HEATR5B: variants seen among roughly 807,000 people sequenced by gnomAD.
HEATR5B encodes HEAT repeat-containing protein 5B.
HEATR5B carries 156 observed loss-of-function variants against 224.1 expected under a neutral mutation model. The ratio of observed to expected loss-of-function variants is 0.70; its 90% CI spans 0.61 to 0.80. HEATR5B has a LOEUF of 0.80. HEATR5B is among the 30% of genes least tolerant of loss of function. The pLI, the probability that HEATR5B is intolerant of heterozygous loss-of-function variation, is 0.00. For synonymous variants in HEATR5B, 1,027 were observed against 893.0 expected, an observed-to-expected ratio of 1.15 and a Z score of -2.68; for missense variants, 2,323 against 2,535.5, an observed-to-expected ratio of 0.92 and a Z score of 1.80.
At chr2:37,006,987 AAAATG>A in intron 29 of HEATR5B, 58 bp downstream of exon 29, 1 of 1,516,982 alleles carries the variant, frequency 6.6e-7, no homozygotes, top group Non-Finnish European at 9.1e-7. Flanking sequence ...CCATAGCTTT[AAAATG>A]AAAGATATGA....
chr2:37,020,006 C>G, intron 25 of HEATR5B, 129 bp from the exon 26 acceptor site: 2 of 587,576 alleles, frequency 3.4e-6, no homozygotes, highest in South Asian at 2.0e-5. Flanking sequence ...TAGGCTCAAG[C>G]GATTCTCCTC....
At chr2:37,051,767 T>C (rs1670566212) in intron 17 of HEATR5B, among the ~76,000 whole-genome samples, 1 of 151,980 alleles carries the variant, frequency 6.6e-6, no homozygotes, top group Non-Finnish European at 1.5e-5. Context: ...TGAGACAGAG[T>C]CTTGCTCTGT....
intron 35 of HEATR5B, 40 bp downstream of exon 35, chr2:36,988,606 T>TAA: frequency 6.6e-7 from 1 of 1,507,854 alleles, no homozygotes; most frequent in Non-Finnish European, 9.2e-7. Context: ...AATACAGATC[T>TAA]TCATTCTGAA....
intron 26 of HEATR5B, among the ~76,000 whole-genome samples, chr2:37,019,489 C>G (rs1286605451): frequency 8.7e-5 from 13 of 150,074 alleles, no homozygotes; most frequent in Admixed American, 2.7e-4. Context: ...CAGGGTCTCG[C>G]TCCGTTGCCC....
In HEATR5B at chr2:37,067,506, T is replaced by C. The variant is rs1204148192; in HGVS notation, c.1177+1175A>G. On this transcript the variant is annotated intron_variant, in intron 8 of 35. Coordinates refer to ENST00000233099, the MANE Select transcript of HEATR5B (RefSeq NM_019024.3). ...TTTACTGGCTGGGCGTGGTGGCTCA[T>C]ACCTGTAATCCCAGCACTCTGGGAG... Among the ~76,000 whole-genome samples the C allele has an allele frequency of 2.6e-5, 4 of 152,298 alleles. No individual in the cohort carries two copies. In the East Asian group the frequency reaches 7.7e-4, roughly 29 times the overall value.
At chr2:37,064,283 T>G (rs1027932793) in intron 10 of HEATR5B, among the ~76,000 whole-genome samples, 1 of 147,862 alleles carries the variant, frequency 6.8e-6, no homozygotes, top group African/African-American at 2.5e-5. Context: ...GGTTGGGTTT[T>G]TTTTTTTTTT....
In HEATR5B at chr2:36,990,773, C is replaced by T. The variant is rs1315681885; in HGVS notation, c.5572G>A (p.Val1858Ile). The T allele has an allele frequency of 3.1e-6, 5 of 1,609,084 alleles. No homozygotes were observed. Among genetic ancestry groups the T allele is most frequent in the Non-Finnish European group, 4.2e-6 (5 of 1,177,374 alleles). ...AGTGCAATTGCTGTTAGCATGCTTACTTCATCAGGTGTAGGTACAGAGTCT... is the reference window on the plus strand; with the variant it reads ...AGTGCAATTGCTGTTAGCATGCTTATTTCATCAGGTGTAGGTACAGAGTCT... ...PEDSVPTPDE[V>I]SMLTAIALFL... The change falls in exon 34 of 36, where the codon GTA (valine) becomes ATA (isoleucine). Residue 1858 changes from valine (V) to isoleucine (I), a missense_variant. By Grantham distance (29) the Val-to-Ile change is conservative (BLOSUM62 3). Transcript: ENST00000233099.
At chr2:37,050,702 A>G (rs1024135606) in intron 17 of HEATR5B, among the ~76,000 whole-genome samples, 3 of 152,250 alleles carry the variant, frequency 2.0e-5, no homozygotes, top group African/African-American at 7.2e-5. Context: ...AAAATTTCAC[A>G]GAAGACAATT....
intron 9 of HEATR5B, 27 bp downstream of exon 9, chr2:37,065,728 A>C: frequency 6.3e-7 from 1 of 1,590,228 alleles, no homozygotes. Flanking sequence ...GTGGAAACAC[A>C]TACTAGCAAG....
Position 37,000,642 on chromosome 2 carries a change from T to C in HEATR5B, c.5489A>G (p.Gln1830Arg), listed in dbSNP as rs1212197808. Residue 1830 changes from glutamine to arginine, a missense_variant, in exon 33 of 36, where the codon CAG becomes CGG. Physicochemically the swap from Gln to Arg is conservative, Grantham distance 43 (BLOSUM62 1). Transcript: ENST00000233099. ...CGTGCTACGAATCAGAGCTGTCCAC[T>C]GTTTTTGAACGCCAGCCTCAGTTTT... The part of the protein sequence containing the change: ...MAKTEAGVQK[Q>R]WTALIRSTLA... The C allele has an allele frequency of 6.2e-7, 1 of 1,614,216 alleles. No individual in the cohort carries two copies.
Position 37,028,144 on chromosome 2 carries a change from C to A in HEATR5B, c.3632G>T (p.Gly1211Val). The change falls in exon 24 of 36, where the codon GGA (glycine) becomes GTA (valine). Residue 1211 changes from glycine to valine, a missense_variant. Coordinates refer to ENST00000233099, the MANE Select transcript of HEATR5B (RefSeq NM_019024.3). ...TTTCTTTTCAGCTTCTTCATCTTTT[C>A]CACTACTTAAGAGAGTTGCAGTACT... The part of the protein sequence containing the change: ...DMSTATLLSS[G>V]KDEEAEKKDE... The A allele has an allele frequency of 6.2e-7, 1 of 1,608,202 alleles. No homozygotes were observed.
chr2:37,060,498 TATAAA>T, intron 12 of HEATR5B, 78 bp downstream of exon 12: 1 of 1,210,370 alleles, frequency 8.3e-7, no homozygotes, highest in South Asian at 1.9e-5. Context: ...AATAAAAAAC[TATAAA>T]ATAGTGATTT....
rs766230413 is a variant in HEATR5B, at chr2:36,988,777, A to G, written c.5780T>C (p.Leu1927Ser). The G allele has an allele frequency of 1.2e-6, 2 of 1,614,094 alleles. No homozygotes were observed. The highest frequency in any genetic ancestry group is 4.5e-5 in the East Asian group (2 of 44,868). ...TAGCTTTTCAACCACTATTGGAGCT[A>G]ATGAATGAATATAAGGAGTTGAAAG... is the stretch of plus-strand genomic sequence containing the variant. ...RALSTPYIHS[L>S]APIVVEKLKA... The change falls in exon 35 of 36, where the codon TTA (leucine) becomes TCA (serine). Residue 1927 changes from leucine to serine, a missense_variant. This residue lies in a region of HEATR5B where 844 missense variants were observed against 812.9 expected (regional missense o/e 1.04). Coordinates refer to ENST00000233099, the MANE Select transcript of HEATR5B (RefSeq NM_019024.3).
chr2:37,068,741 C>T lies in HEATR5B; in HGVS notation c.1117G>A (p.Ala373Thr), dbSNP rs1156971765. ...ATVGSLLGEK[A>T]QIAAAKEICQ... ...ATTTCTTTGGCAGCTGCAATCTGGG[C>T]TTTTTCACCTAGCAAACTGCCCACA... Residue 373 changes from alanine to threonine, a missense_variant, in exon 8 of 36, where the codon GCC becomes ACC. Physicochemically the swap from Ala to Thr is moderately conservative, Grantham distance 58 (BLOSUM62 0). Coordinates refer to ENST00000233099, the MANE Select transcript of HEATR5B (RefSeq NM_019024.3). 7.4e-6 allele frequency: 12 copies of T among 1,614,080 alleles called. No individual in the cohort carries two copies. The highest frequency in any genetic ancestry group is 1.0e-5 in the Non-Finnish European group (12 of 1,179,998).
intron 9 of HEATR5B, 130 bp downstream of exon 9, chr2:37,065,625 A>G: frequency 1.2e-6 from 1 of 817,286 alleles, no homozygotes; most frequent in African/African-American, 1.7e-5. Context: ...AATGAATATT[A>G]ATTTAAGTAA....
Position 37,041,152 on chromosome 2 carries a change from C to T in HEATR5B, c.2837G>A (p.Gly946Glu). The change falls in exon 19 of 36, where the codon GGG (glycine) becomes GAG (glutamate). Residue 946 changes from glycine to glutamate, a missense_variant. This residue lies in a region of HEATR5B where 44 missense variants were observed against 39.0 expected (regional missense o/e 1.13). Transcript: ENST00000233099. ...VSILLALAQD[G>E]TSPEVQTWSL... ...TTATACCTGGACTTCAGGGGATGTCCCATCTTGTGCTAGAGCCAATAAAAT... is the reference window on the plus strand; with the variant it reads ...TTATACCTGGACTTCAGGGGATGTCTCATCTTGTGCTAGAGCCAATAAAAT... 1.2e-6 allele frequency: 2 copies of T among 1,613,870 alleles called. 1 individual carries two copies. The highest frequency in any genetic ancestry group is 2.2e-5 in the South Asian group (2 of 91,050).
At chr2:37,031,195 C>G (rs1331173008) in intron 22 of HEATR5B, among the ~76,000 whole-genome samples, 1 of 152,242 alleles carries the variant, frequency 6.6e-6, no homozygotes, top group Non-Finnish European at 1.5e-5. Context: ...ATCCTACACA[C>G]CTTTTATTCC....
chr2:37,027,893 T>A lies in HEATR5B; in HGVS notation c.3853+30A>T, dbSNP rs761081174. 3.7e-6 allele frequency: 6 copies of A among 1,604,346 alleles called. No individual in the cohort carries two copies. In the East Asian group the frequency reaches 1.3e-4, roughly 36 times the overall value. ...AAATGTCTCAAGGTGTAAAAATGCT[T>A]TGGGGAAAAAGTACTGATTTTAAAT... is the stretch of plus-strand genomic sequence containing the variant. On this transcript the variant is annotated intron_variant, in intron 24 of 35. Transcript: ENST00000233099.
intron 35 of HEATR5B, among the ~76,000 whole-genome samples, chr2:36,984,948 A>G (rs765628575): frequency 1.3e-5 from 2 of 152,198 alleles, no homozygotes; most frequent in Admixed American, 6.5e-5. Flanking sequence ...CAAGATTTGA[A>G]TAACAGATTC....
Sources: allele counts gnomAD v4.1 joint callset (sites outside exome capture counted in the v4.1 genomes callset), GRCh38; gene constraint gnomAD v4.1.1; regional missense constraint gnomAD v4.1.1; transcripts MANE v1.5; gene names NCBI Gene and HGNC (gene_info 2026-07-23, HGNC 2026-07-21).